The following RXFP1 variants were observed in gnomAD, a reference collection of about 807,000 sequenced individuals.
The protein encoded by RXFP1 is relaxin receptor 1.
In RXFP1, 73 loss-of-function variants were observed where a neutral mutation model predicts 89.8. That is an observed-to-expected ratio of 0.81 (90% CI 0.67 to 0.99). The LOEUF (loss-of-function observed/expected upper bound fraction) is 0.99. RXFP1 is among the 50% of genes least tolerant of loss of function. The pLI is 0.00. For synonymous variants in RXFP1, 277 were observed against 305.5 expected (o/e 0.91, Z 0.97); for missense variants, 793 against 895.5 (o/e 0.89, Z 1.46).
At chr4:158,568,933 C>G (rs1319406712) in intron 1 of RXFP1, among the ~76,000 whole-genome samples, 1 of 152,174 alleles carries the variant, frequency 6.6e-6, no homozygotes, top group Non-Finnish European at 1.5e-5. Context: ...CTATTCTGTT[C>G]TTATTTCTTC....
chr4:158,561,831 T>C (rs940614056), intron 1 of RXFP1, among the ~76,000 whole-genome samples: 1 of 152,064 alleles, frequency 6.6e-6, no homozygotes, highest in African/African-American at 2.4e-5. Flanking sequence ...TTTCACCATG[T>C]TGGCCAGGCT....
rs1358279807 is a variant in RXFP1 at position 158,606,431 on chromosome 4, A to T, written c.464+1292A>T. On this transcript the variant is annotated intron_variant, in intron 5 of 17. Transcript: ENST00000307765. The stretch of plus-strand genomic sequence containing the variant: ...ATTATTTAAAAATTTCTAATTGGTT[A>T]TTAAAAGTCTATACCTTTAGACCTC... 3.9e-5 allele frequency among the ~76,000 whole-genome samples: 6 copies of T among 152,340 alleles called. No individual in the cohort carries two copies. In the East Asian group the frequency reaches 9.6e-4, roughly 24 times the overall value.
rs541439908 is a variant in RXFP1 at position 158,540,158 on chromosome 4, GTGAAAGC to G, written c.49+18134_49+18140del. On this transcript the variant is annotated intron_variant, in intron 1 of 17. Coordinates refer to ENST00000307765, the MANE Select transcript of RXFP1 (RefSeq NM_021634.4). The stretch of plus-strand genomic sequence containing the variant: ...AAAGAATTTGGGGCAAGTCCATAAA[GTGAAAGC>G]AAGTTTATTAAGAAAGCAAAGGAAG... Among the ~76,000 whole-genome samples, 585 of 152,288 alleles carry G rather than the reference GTGAAAGC, an allele frequency of 3.8e-3. 3 individuals are homozygous for G. The highest frequency in any genetic ancestry group is 0.013 in the African/African-American group (553 of 41,556).
chr4:158,647,742 G>A (rs1011904542), intron 16 of RXFP1, among the ~76,000 whole-genome samples: 10 of 152,154 alleles, frequency 6.6e-5, no homozygotes, highest in African/African-American at 2.2e-4. Context: ...GTGAGGCCAG[G>A]CACGGTGGCT....
intron 17 of RXFP1, among the ~76,000 whole-genome samples, chr4:158,651,184 G>T (rs929014237): frequency 6.6e-6 from 1 of 152,046 alleles, no homozygotes; most frequent in Non-Finnish European, 1.5e-5. Flanking sequence ...AATCAAATCA[G>T]AGTATTTTGG....
At chr4:158,590,136 A>G (rs1043573992) in intron 2 of RXFP1, among the ~76,000 whole-genome samples, 1 of 152,156 alleles carries the variant, frequency 6.6e-6, no homozygotes, top group Admixed American at 6.5e-5. Flanking sequence ...GATTCTATAT[A>G]ATGTAGGGAT....
chr4:158,562,718 C>T lies in RXFP1; in HGVS notation c.50-9980C>T, dbSNP rs912332958. Among the ~76,000 whole-genome samples, 3 of 151,752 alleles carry T rather than the reference C, an allele frequency of 2.0e-5. No individual in the cohort carries two copies. The South Asian group carries it at 6.3e-4, about 32-fold the overall frequency. Reference sequence around the variant, plus strand: ...CCTGAAGCTTTTGTTAAAGGAACCCCGAGTGCACACCCATCCGGGGCAGTT... The same window carrying T: ...CCTGAAGCTTTTGTTAAAGGAACCCTGAGTGCACACCCATCCGGGGCAGTT... On this transcript the variant is annotated intron_variant, in intron 1 of 17. Transcript: ENST00000307765.
intron 2 of RXFP1, 172 bp downstream of exon 2, chr4:158,573,007 T>G: frequency 9.5e-7 from 1 of 1,056,612 alleles, no homozygotes; most frequent in Non-Finnish European, 1.3e-6. Context: ...CTCTTTTCTT[T>G]TCTTGTTTTT....
At chr4:158,596,760 T>C (rs981989323) in intron 3 of RXFP1, among the ~76,000 whole-genome samples, 4 of 152,178 alleles carry the variant, frequency 2.6e-5, no homozygotes, top group African/African-American at 9.7e-5. Flanking sequence ...AGTGACTTCA[T>C]CCGAAGCCTA....
chr4:158,552,590 C>A (rs547734252), intron 1 of RXFP1, among the ~76,000 whole-genome samples: 1 of 152,154 alleles, frequency 6.6e-6, no homozygotes, highest in East Asian at 1.9e-4. Flanking sequence ...TGTAATATGT[C>A]CAAGTAGCCG....
intron 11 of RXFP1, among the ~76,000 whole-genome samples, chr4:158,629,273 T>C (rs1767560760): frequency 6.6e-6 from 1 of 152,060 alleles, no homozygotes; most frequent in South Asian, 2.1e-4. Flanking sequence ...CTAGTAAATT[T>C]GTTATTATGT....
At position 158,628,718 on chromosome 4, in the gene RXFP1, G is replaced by T; in HGVS notation, c.899+9G>T. Reference sequence around the variant, plus strand: ...CAGAAACTGGATGAATTGTAAGTATGACTGAACATATACTGATAAGAATTT... The same window carrying T: ...CAGAAACTGGATGAATTGTAAGTATTACTGAACATATACTGATAAGAATTT... On this transcript the variant is annotated intron_variant, in intron 11 of 17. Transcript: ENST00000307765. 1 of 1,470,058 alleles carries T rather than the reference G, an allele frequency of 6.8e-7. No homozygotes were observed. Among genetic ancestry groups the T allele is most frequent in the South Asian group, 1.2e-5 (1 of 85,838 alleles). The allele number at this position is 1,470,058 out of a possible 1,614,324, so 91.1% of individuals were successfully genotyped here.
At position 158,623,627 on chromosome 4, in the gene RXFP1, A is replaced by G. The variant is rs115952018; in HGVS notation, c.756-3193A>G. 7.2e-3 allele frequency among the ~76,000 whole-genome samples: 1,098 copies of G among 152,236 alleles called. 9 individuals are homozygous for G. The highest frequency in any genetic ancestry group is 0.024 in the African/African-American group (990 of 41,548). On this transcript the variant is annotated intron_variant, in intron 9 of 17. Coordinates refer to ENST00000307765, the MANE Select transcript of RXFP1 (RefSeq NM_021634.4). ...TGCTAATCAGTGTATATCAAACTTCAGTGCCCCTTCTCAATAACAGAACTG... is the reference window on the plus strand; with the variant it reads ...TGCTAATCAGTGTATATCAAACTTCGGTGCCCCTTCTCAATAACAGAACTG...
At chr4:158,634,356 T>C (rs1390832813) in intron 12 of RXFP1, among the ~76,000 whole-genome samples, 3 of 152,226 alleles carry the variant, frequency 2.0e-5, no homozygotes, top group Non-Finnish European at 4.4e-5. Context: ...TCACTCATTT[T>C]TCAATTGGAT....
chr4:158,569,721 C>T (rs1237306292), intron 1 of RXFP1, among the ~76,000 whole-genome samples: 3 of 152,114 alleles, frequency 2.0e-5, no homozygotes, highest in Non-Finnish European at 2.9e-5. Flanking sequence ...TCTAATTTTA[C>T]TATTCAACAA....
intron 14 of RXFP1, among the ~76,000 whole-genome samples, chr4:158,639,752 C>T (rs1032491063): frequency 6.6e-6 from 1 of 152,092 alleles, no homozygotes; most frequent in South Asian, 2.1e-4. Context: ...TCCAGCTACT[C>T]AGGAGGCTGA....
At chr4:158,620,166 G>A (rs982836881) in intron 9 of RXFP1, among the ~76,000 whole-genome samples, 11 of 151,954 alleles carry the variant, frequency 7.2e-5, no homozygotes, top group African/African-American at 2.4e-4. Flanking sequence ...CTACAAAAGA[G>A]AAACAAAAAA....
chr4:158,607,873 T>A (rs1762794768), intron 5 of RXFP1, 99 bp from the exon 6 acceptor site: 1 of 726,754 alleles, frequency 1.4e-6, no homozygotes, highest in South Asian at 1.8e-5. Context: ...TTCATATTGC[T>A]ATGCTACCAT....
At chr4:158,598,518 G>C (rs1274922821) in intron 3 of RXFP1, among the ~76,000 whole-genome samples, 4 of 152,106 alleles carry the variant, frequency 2.6e-5, no homozygotes, top group Non-Finnish European at 4.4e-5. Flanking sequence ...ATCAGAGCAG[G>C]AATCAAACTA....
Sources: gnomAD v4.1 joint callset for allele counts (sites outside exome capture counted in the v4.1 genomes callset) on GRCh38, gnomAD v4.1.1 for gene constraint, MANE v1.5 for transcripts, NCBI Gene and HGNC (gene_info 2026-07-23, HGNC 2026-07-21) for gene names.